BORCS7: variants seen among roughly 807,000 people sequenced by gnomAD.
BORCS7 encodes the protein BLOC-1 related complex subunit 7, also known as BLOC-1-related complex subunit 7.
A neutral mutation model predicts 17.5 loss-of-function variants in BORCS7; 20 were observed. The ratio of observed to expected loss-of-function variants is 1.14; its 90% CI spans 0.80 to 1.66. The LOEUF (loss-of-function observed/expected upper bound fraction) is 1.66, where lower values mean the gene tolerates loss of function less well. Ranked by LOEUF, BORCS7 falls within the 40% of genes most tolerant of loss-of-function variation. The probability of loss-of-function intolerance (pLI) is 0.00; values close to 1 mark genes in which losing one functional copy is unlikely to be tolerated. For missense variants in BORCS7, 122 were observed against 129.7 expected, an observed-to-expected ratio of 0.94 and a Z score of 0.29; for synonymous variants, 57 against 49.8, an observed-to-expected ratio of 1.14 and a Z score of -0.61.
intron 4 of BORCS7, 50 bp downstream of exon 4, chr10:102,862,230 G>C (rs375952737): frequency 3.5e-4 from 545 of 1,557,880 alleles, no homozygotes; most frequent in Non-Finnish European, 3.9e-4. Context: ...AAGCAGGCTG[G>C]GGGGATTTAT....
intron 1 of BORCS7, among the ~76,000 whole-genome samples, chr10:102,854,918 TATA>T (rs1490590497): frequency 6.8e-6 from 1 of 147,384 alleles, no homozygotes; most frequent in Admixed American, 6.8e-5. Flanking sequence ...ATATATTATA[TATA>T]ATGTGTATGT....
Position 102,863,017 on chromosome 10 carries a change from C to A in BORCS7, c.*93C>A. On this transcript the variant is annotated 3_prime_UTR_variant, in exon 5 of 5. Transcript: ENST00000339834. ...TCCTCTGGGTTTGGTTTTCTATTTT[C>A]TTCTCCAAAAGTTAAGTTAGAAAAG... 1 of 1,215,876 alleles carries A rather than the reference C, an allele frequency of 8.2e-7. No individual in the cohort carries two copies. The highest frequency in any genetic ancestry group is 1.2e-6 in the Non-Finnish European group (1 of 824,942). The allele number at this position is 1,215,876 out of a possible 1,614,324, so 75.3% of individuals were successfully genotyped here. A position where few individuals can be genotyped will look rare whatever the true frequency, so the allele number is the denominator to read the frequency against.
In BORCS7 at chr10:102,854,366, C is replaced by T. The variant is rs767070482; in HGVS notation, c.80C>T (p.Thr27Ile). ...GGGCTTCTCACGGAGAAGGTGACCA[C>T]CTGTGGTACTGACGTAATCGCGCTC... ...VKGLLTEKVT[T>I]CGTDVIALTK... The change falls in exon 1 of 5, where the codon ACC (threonine) becomes ATC (isoleucine). Residue 27 changes from threonine to isoleucine, a missense_variant. By Grantham distance (89) the Thr-to-Ile change is moderately conservative (BLOSUM62 -1). Coordinates refer to ENST00000339834, the MANE Select transcript of BORCS7 (RefSeq NM_001136200.2). The T allele has an allele frequency of 1.2e-4, 185 of 1,578,616 alleles. No individual in the cohort carries two copies. The Middle Eastern group carries it at 3.8e-3, about 33-fold the overall frequency.
chr10:102,864,511 G>A lies in BORCS7; in HGVS notation c.*1587G>A, dbSNP rs1844564698. On this transcript the variant is annotated 3_prime_UTR_variant, in exon 5 of 5. Coordinates refer to ENST00000339834, the MANE Select transcript of BORCS7 (RefSeq NM_001136200.2). ...AGAAAAAAATTAAAATGAAGGGATGGTCTAAGTTTTCTTCATGCTGGAACA... is the reference window on the plus strand; with the variant it reads ...AGAAAAAAATTAAAATGAAGGGATGATCTAAGTTTTCTTCATGCTGGAACA... The A allele has an allele frequency of 5.3e-5, 8 of 152,130 alleles. No individual in the cohort carries two copies. The South Asian group carries it at 1.7e-3, about 32-fold the overall frequency. 9.4% of individuals were successfully genotyped at this position (152,130 alleles called of 1,614,324 possible).
In BORCS7 at chr10:102,862,938, A is replaced by G; in HGVS notation, c.*14A>G. 1 of 1,600,234 alleles carries G rather than the reference A, an allele frequency of 6.2e-7. No individual in the cohort carries two copies. The highest frequency in any genetic ancestry group is 1.7e-4 in the Middle Eastern group (1 of 6,048). ...CTGTTGAAATAGAATGACATGTAAGAGTGCTGTAGGACTCCTTTGCCTAAT... is the reference window on the plus strand; with the variant it reads ...CTGTTGAAATAGAATGACATGTAAGGGTGCTGTAGGACTCCTTTGCCTAAT... On this transcript the variant is annotated 3_prime_UTR_variant, in exon 5 of 5. Transcript: ENST00000339834.
chr10:102,856,132 A>G (rs1163423760), intron 1 of BORCS7, among the ~76,000 whole-genome samples: 1 of 152,164 alleles, frequency 6.6e-6, no homozygotes, highest in Non-Finnish European at 1.5e-5. Flanking sequence ...GGAGAAACAC[A>G]CTGACATTTG....
Position 102,863,019 on chromosome 10 carries a change from T to C in BORCS7, c.*95T>C. ...CTCTGGGTTTGGTTTTCTATTTTCT[T>C]CTCCAAAAGTTAAGTTAGAAAAGTT... On this transcript the variant is annotated 3_prime_UTR_variant, in exon 5 of 5. Transcript: ENST00000339834. 1 of 1,187,000 alleles carries C rather than the reference T, an allele frequency of 8.4e-7. No individual in the cohort carries two copies. Among genetic ancestry groups the C allele is most frequent in the Non-Finnish European group, 1.3e-6 (1 of 799,404 alleles). The allele number at this position is 1,187,000 out of a possible 1,614,324, so 73.5% of individuals were successfully genotyped here.
chr10:102,862,849 C>A (rs758844488), intron 4 of BORCS7, 24 bp from the exon 5 acceptor site: 11 of 1,590,794 alleles, frequency 6.9e-6, no homozygotes, highest in Admixed American at 1.7e-5. Flanking sequence ...TTCAGATAAA[C>A]CCTGTCTCTA....
At chr10:102,854,579 C>A in intron 1 of BORCS7, 152 bp downstream of exon 1, 2 of 932,076 alleles carry the variant, frequency 2.1e-6, no homozygotes, top group Non-Finnish European at 3.1e-6. Context: ...GTGTTGCATT[C>A]TGGGGTGTGC....
chr10:102,854,824 C>T (rs1844397988), intron 1 of BORCS7, among the ~76,000 whole-genome samples: 1 of 150,258 alleles, frequency 6.7e-6, no homozygotes, highest in Non-Finnish European at 1.5e-5. Context: ...ACTTGGGAGG[C>T]TGAGGCAGGA....
At chr10:102,856,857 T>C (rs930143327) in intron 1 of BORCS7, among the ~76,000 whole-genome samples, 1 of 152,212 alleles carries the variant, frequency 6.6e-6, no homozygotes, top group African/African-American at 2.4e-5. Flanking sequence ...ACAACTCCCA[T>C]TGAGTCTGTT....
chr10:102,860,483 C>G lies in BORCS7; in HGVS notation c.205-15C>G. 1 of 1,612,334 alleles carries G rather than the reference C, an allele frequency of 6.2e-7. No homozygotes were observed. ...AAGTGGAAATGTTCTATTTCTCTCT[C>G]TCTTTTTTATGCAGAGTTTAAGGAA... On this transcript the variant is annotated splice_polypyrimidine_tract_variant and intron_variant, in intron 2 of 4. Transcript: ENST00000339834.
At chr10:102,858,270 A>G (rs1046414024) in intron 1 of BORCS7, among the ~76,000 whole-genome samples, 3 of 151,936 alleles carry the variant, frequency 2.0e-5, no homozygotes, top group East Asian at 1.9e-4. Flanking sequence ...CATTTTAAGT[A>G]GGAAAGTGGT....
At chr10:102,860,916 GT>G in intron 3 of BORCS7, 1 of 303,454 alleles carries the variant, frequency 3.3e-6, no homozygotes, top group Non-Finnish European at 6.1e-6. Flanking sequence ...GGGAAGTTAA[GT>G]TGGGTCCTCT....
intron 1 of BORCS7, 142 bp from the exon 2 acceptor site, chr10:102,860,190 C>A: frequency 2.9e-6 from 2 of 691,240 alleles, no homozygotes; most frequent in South Asian, 1.9e-5. Flanking sequence ...AGAAAATTAT[C>A]CTTCATTACA....
intron 1 of BORCS7, 194 bp downstream of exon 1, chr10:102,854,621 T>A (rs979354594): frequency 3.5e-6 from 2 of 568,650 alleles, no homozygotes; most frequent in Admixed American, 7.9e-5. Flanking sequence ...TGTGTGAGGG[T>A]TGGGGGAAGA....
At chr10:102,854,579 C>G (rs1450741978) in intron 1 of BORCS7, 152 bp downstream of exon 1, 1 of 931,958 alleles carries the variant, frequency 1.1e-6, no homozygotes, top group African/African-American at 1.7e-5. Context: ...GTGTTGCATT[C>G]TGGGGTGTGC....
chr10:102,860,590 G>C (rs1327386095), intron 3 of BORCS7, 49 bp downstream of exon 3: 1 of 1,580,122 alleles, frequency 6.3e-7, no homozygotes, highest in South Asian at 1.1e-5. Context: ...CATTATCCCT[G>C]GTCTGCTTTC....
chr10:102,861,863 A>G (rs1844526912), intron 3 of BORCS7, among the ~76,000 whole-genome samples: 1 of 152,238 alleles, frequency 6.6e-6, no homozygotes, highest in Non-Finnish European at 1.5e-5. Flanking sequence ...GGTATTAGGT[A>G]TGTGACCATT....
Sources: allele counts gnomAD v4.1 joint callset (sites outside exome capture counted in the v4.1 genomes callset), GRCh38; gene constraint gnomAD v4.1.1; transcripts MANE v1.5; gene names NCBI Gene and HGNC (gene_info 2026-07-23, HGNC 2026-07-21).